PHF20: variants seen among roughly 807,000 people sequenced by gnomAD.
PHF20 encodes the protein PHD finger protein 20.
Under a neutral mutation model 113.5 loss-of-function variants are expected in PHF20, and 23 were observed. The ratio of observed to expected loss-of-function variants is 0.20; its 90% CI spans 0.15 to 0.29. The LOEUF is 0.29. PHF20 is among the 10% of genes least tolerant of loss of function. PHF20 has a pLI of 1.00. For missense variants in PHF20, 943 were observed against 1,219.6 expected, an observed-to-expected ratio of 0.77 and a Z score of 3.38; for synonymous variants, 434 against 457.3, an observed-to-expected ratio of 0.95 and a Z score of 0.65.
At chr20:35,843,434 G>A (rs946511773) in intron 3 of PHF20, among the ~76,000 whole-genome samples, 13 of 148,040 alleles carry the variant, frequency 8.8e-5, no homozygotes, top group Non-Finnish European at 1.6e-4. Context: ...CAGGAGAATC[G>A]CTTGAACCCA....
intron 9 of PHF20, among the ~76,000 whole-genome samples, chr20:35,897,423 G>C (rs937380673): frequency 6.6e-6 from 1 of 152,000 alleles, no homozygotes; most frequent in African/African-American, 2.4e-5. Context: ...GTCACCTTGA[G>C]CATTTATTTC....
intron 9 of PHF20, among the ~76,000 whole-genome samples, chr20:35,877,183 G>C (rs757526520): frequency 2.0e-5 from 3 of 147,078 alleles, no homozygotes; most frequent in Non-Finnish European, 4.5e-5. Context: ...CTGGATACTT[G>C]GGAGGCTGAG....
intron 10 of PHF20, among the ~76,000 whole-genome samples, chr20:35,900,843 A>G (rs548314071): frequency 4.6e-5 from 7 of 152,284 alleles, no homozygotes; most frequent in African/African-American, 1.7e-4. Flanking sequence ...TCTCAAAACA[A>G]CAACCAAATA....
At chr20:35,802,572 G>C (rs1056981203) in intron 2 of PHF20, among the ~76,000 whole-genome samples, 1 of 152,068 alleles carries the variant, frequency 6.6e-6, no homozygotes. Context: ...AGCTCTTCAG[G>C]TGTAGGAAGA....
chr20:35,838,060 G>C (rs541658388), intron 2 of PHF20, among the ~76,000 whole-genome samples: 1 of 152,102 alleles, frequency 6.6e-6, no homozygotes, highest in African/African-American at 2.4e-5. Context: ...AGTTTTTTTT[G>C]AATGAGGGAG....
In PHF20 at chr20:35,842,551, AAT is replaced by A; in HGVS notation, c.84-21_84-20del. The A allele has an allele frequency of 6.3e-7, 1 of 1,597,486 alleles. No homozygotes were observed. The highest frequency in any genetic ancestry group is 8.5e-7 in the Non-Finnish European group (1 of 1,172,364). On this transcript the variant is annotated intron_variant, in intron 2 of 17. Coordinates refer to ENST00000374012, the MANE Select transcript of PHF20 (RefSeq NM_016436.5). The stretch of plus-strand genomic sequence containing the variant: ...TTGGGGTGGGTATTAAAGGAATGCC[AAT>A]TTTTTTTTTTCTGACTCAGGTATCC...
intron 2 of PHF20, among the ~76,000 whole-genome samples, chr20:35,831,269 C>G (rs940183164): frequency 6.6e-6 from 1 of 151,938 alleles, no homozygotes; most frequent in Non-Finnish European, 1.5e-5. Flanking sequence ...CAGTGATCCT[C>G]TCACCTCAGC....
At chr20:35,814,164 TG>T (rs1327437585) in intron 2 of PHF20, among the ~76,000 whole-genome samples, 3 of 152,040 alleles carry the variant, frequency 2.0e-5, no homozygotes, top group Non-Finnish European at 4.4e-5. Flanking sequence ...TTTTAGTAGA[TG>T]GGGGTAAGAA....
chr20:35,860,965 G>A (rs2054208532), intron 5 of PHF20, among the ~76,000 whole-genome samples: 1 of 152,064 alleles, frequency 6.6e-6, no homozygotes, highest in Non-Finnish European at 1.5e-5. Flanking sequence ...AGGATTTCTG[G>A]GTGCCATGCT....
At chr20:35,868,445 C>CA (rs552672829) in intron 6 of PHF20, among the ~76,000 whole-genome samples, 136 of 132,510 alleles carry the variant, frequency 1.0e-3, no homozygotes, top group South Asian at 9.9e-3. Flanking sequence ...ATTAAAAATA[C>CA]AAAAAAAAAA....
chr20:35,790,088 C>A (rs2041512876), intron 1 of PHF20, among the ~76,000 whole-genome samples: 1 of 151,728 alleles, frequency 6.6e-6, no homozygotes, highest in Admixed American at 6.6e-5. Context: ...AATTTCTGAT[C>A]TCAGGTGATC....
chr20:35,831,387 C>G (rs895052037), intron 2 of PHF20, among the ~76,000 whole-genome samples: 4 of 152,140 alleles, frequency 2.6e-5, no homozygotes, highest in Non-Finnish European at 4.4e-5. Context: ...ATACTGATCT[C>G]AAACTCCTGG....
At chr20:35,894,694 G>A (rs149564816) in intron 9 of PHF20, among the ~76,000 whole-genome samples, 1 of 152,340 alleles carries the variant, frequency 6.6e-6, no homozygotes, top group African/African-American at 2.4e-5. Context: ...CAGCGAAGTT[G>A]TTACCATTAT....
intron 3 of PHF20, among the ~76,000 whole-genome samples, chr20:35,844,335 C>T (rs1285289270): frequency 6.6e-6 from 1 of 151,474 alleles, no homozygotes; most frequent in Non-Finnish European, 1.5e-5. Flanking sequence ...ATTTCCTGAC[C>T]TCGTGATCCG....
intron 9 of PHF20, among the ~76,000 whole-genome samples, chr20:35,895,604 A>G (rs1184341258): frequency 2.0e-5 from 3 of 150,940 alleles, no homozygotes; most frequent in African/African-American, 7.3e-5. Context: ...GAACTTCTCC[A>G]CTGACATACT....
intron 1 of PHF20, among the ~76,000 whole-genome samples, chr20:35,791,459 AT>A (rs1569120190): frequency 2.2e-5 from 3 of 135,390 alleles, no homozygotes; most frequent in Non-Finnish European, 4.7e-5. Context: ...CTATCTATCT[AT>A]CTATCTATCT....
chr20:35,843,245 C>T (rs1196690042), intron 3 of PHF20, among the ~76,000 whole-genome samples: 2 of 151,626 alleles, frequency 1.3e-5, no homozygotes, highest in Non-Finnish European at 1.5e-5. Context: ...TCTGGCCAGG[C>T]GTGGTGGCTC....
At chr20:35,852,289 T>C (rs1396088757) in intron 4 of PHF20, among the ~76,000 whole-genome samples, 3 of 152,148 alleles carry the variant, frequency 2.0e-5, no homozygotes, top group Admixed American at 1.3e-4. Flanking sequence ...ACTGATAGAA[T>C]GCGAGAGTGG....
intron 10 of PHF20, among the ~76,000 whole-genome samples, chr20:35,900,200 A>C (rs2055068527): frequency 6.6e-6 from 1 of 152,240 alleles, no homozygotes. Context: ...CCTTTTAGGA[A>C]ATATCTTCTA....
Sources: allele counts gnomAD v4.1 joint callset (sites outside exome capture counted in the v4.1 genomes callset), GRCh38; gene constraint gnomAD v4.1.1; transcripts MANE v1.5; gene names NCBI Gene and HGNC (gene_info 2026-07-23, HGNC 2026-07-21).